The following FBXL7 variants were observed in gnomAD, a reference collection of about 807,000 sequenced individuals.
The protein encoded by FBXL7 is F-box/LRR-repeat protein 7.
Under a neutral mutation model 38.3 loss-of-function variants are expected in FBXL7, and 12 were observed. The observed-to-expected ratio is 0.31, with a 90% CI of 0.20 to 0.51. The LOEUF (loss-of-function observed/expected upper bound fraction) is 0.51. FBXL7 is among the 20% of genes least tolerant of loss of function. The probability of loss-of-function intolerance (pLI) is 0.98; values close to 1 mark genes in which losing one functional copy is unlikely to be tolerated. For missense variants in FBXL7, 567 were observed against 676.4 expected (o/e 0.84, Z 1.79); for synonymous variants, 297 against 300.9 (o/e 0.99, Z 0.13).
At chr5:15,677,695 G>C (rs934395590) in intron 2 of FBXL7, among the ~76,000 whole-genome samples, 7 of 152,090 alleles carry the variant, frequency 4.6e-5, no homozygotes, top group Non-Finnish European at 7.4e-5. Context: ...ATCAGAGTCA[G>C]AAACAAAGTT....
Position 15,720,237 on chromosome 5 carries a change from C to A in FBXL7, c.127+104165C>A, listed in dbSNP as rs77538219. The stretch of plus-strand genomic sequence containing the variant: ...TTGTAATGAGCCCACATTATGGATG[C>A]CCCTGGGACATTTTCCTTGCAGTCT... On this transcript the variant is annotated intron_variant, in intron 2 of 3. Transcript: ENST00000504595. 1.0e-4 allele frequency among the ~76,000 whole-genome samples: 15 copies of A among 149,036 alleles called. 1 individual carries two copies. Among genetic ancestry groups the A allele is most frequent in the African/African-American group, 3.7e-4 (15 of 40,932 alleles).
In FBXL7 at chr5:15,899,519, G is replaced by T. The variant is rs73752372; in HGVS notation, c.128-28371G>T. Among the ~76,000 whole-genome samples, 1,046 of 152,236 alleles carry T rather than the reference G, an allele frequency of 6.9e-3. 18 individuals carry two copies. Among genetic ancestry groups the T allele is most frequent in the African/African-American group, 0.024 (992 of 41,538 alleles). The stretch of plus-strand genomic sequence containing the variant: ...GGATTTGAAAAGCAAAGTTTTACAA[G>T]ATTTTTTTATAAGCTTTGGTCTGAA... On this transcript the variant is annotated intron_variant, in intron 2 of 3. Coordinates refer to ENST00000504595, the MANE Select transcript of FBXL7 (RefSeq NM_012304.5).
intron 1 of FBXL7, among the ~76,000 whole-genome samples, chr5:15,563,970 C>A (rs2126440979): frequency 6.6e-6 from 1 of 152,160 alleles, no homozygotes; most frequent in Non-Finnish European, 1.5e-5. Flanking sequence ...TTTTCAGTGT[C>A]CAGCCTCAGC....
intron 2 of FBXL7, among the ~76,000 whole-genome samples, chr5:15,680,638 T>C (rs1742815359): frequency 6.6e-6 from 1 of 152,166 alleles, no homozygotes; most frequent in Admixed American, 6.5e-5. Context: ...TAATTGGTGT[T>C]CCATAAATGG....
intron 2 of FBXL7, among the ~76,000 whole-genome samples, chr5:15,688,137 C>G (rs1579378880): frequency 6.6e-6 from 1 of 152,214 alleles, no homozygotes; most frequent in East Asian, 1.9e-4. Flanking sequence ...TTTTTTTACA[C>G]AAGGCATTAT....
At chr5:15,517,101 A>G (rs1395225601) in intron 1 of FBXL7, among the ~76,000 whole-genome samples, 1 of 151,362 alleles carries the variant, frequency 6.6e-6, no homozygotes, top group African/African-American at 2.4e-5. Context: ...ATCTCGGCTC[A>G]CTGCAAGCTC....
intron 1 of FBXL7, among the ~76,000 whole-genome samples, chr5:15,581,909 A>G (rs909768763): frequency 2.6e-5 from 4 of 152,086 alleles, no homozygotes; most frequent in Admixed American, 6.6e-5. Context: ...TGCTCTGACC[A>G]TACTCTTTGA....
intron 2 of FBXL7, among the ~76,000 whole-genome samples, chr5:15,692,690 G>T (rs1188520930): frequency 6.6e-6 from 1 of 152,182 alleles, no homozygotes; most frequent in Non-Finnish European, 1.5e-5. Flanking sequence ...TCGTGCAAAT[G>T]ATCTTGGGGT....
chr5:15,639,865 A>T (rs893689265), intron 2 of FBXL7, among the ~76,000 whole-genome samples: 1 of 152,084 alleles, frequency 6.6e-6, no homozygotes, highest in Non-Finnish European at 1.5e-5. Flanking sequence ...AACACAGACA[A>T]TGCTGGGTTG....
intron 1 of FBXL7, among the ~76,000 whole-genome samples, chr5:15,558,587 A>G (rs945741781): frequency 3.9e-5 from 6 of 152,248 alleles, no homozygotes; most frequent in Non-Finnish European, 5.9e-5. Context: ...CTCTACCTCT[A>G]GATTCAAAAA....
At chr5:15,580,996 G>C (rs1739121785) in intron 1 of FBXL7, among the ~76,000 whole-genome samples, 1 of 152,164 alleles carries the variant, frequency 6.6e-6, no homozygotes, top group Non-Finnish European at 1.5e-5. Flanking sequence ...TGGTTGATAG[G>C]TTCCAGTACC....
At chr5:15,889,385 A>T (rs542610777) in intron 2 of FBXL7, among the ~76,000 whole-genome samples, 6 of 152,320 alleles carry the variant, frequency 3.9e-5, no homozygotes, top group Admixed American at 3.9e-4. Context: ...TTCCTCATTG[A>T]AAGGCAGAAG....
intron 2 of FBXL7, among the ~76,000 whole-genome samples, chr5:15,822,622 C>CTTTTTTT (rs371800054): frequency 6.1e-5 from 8 of 131,806 alleles, no homozygotes; most frequent in Non-Finnish European, 7.9e-5. Flanking sequence ...GCTGGTTGCT[C>CTTTTTTT]TTTTTTTTTT....
At position 15,652,971 on chromosome 5, in the gene FBXL7, A is replaced by G. The variant is rs11958246; in HGVS notation, c.127+36899A>G. On this transcript the variant is annotated intron_variant, in intron 2 of 3. Coordinates refer to ENST00000504595, the MANE Select transcript of FBXL7 (RefSeq NM_012304.5). ...TTATTACACATTGTATGCCTGTTTC[A>G]AAGTATCTCATGTGCCCTATAAATG... is the stretch of plus-strand genomic sequence containing the variant. Among the ~76,000 whole-genome samples the G allele has an allele frequency of 8.6e-3, 1,311 of 152,332 alleles. 21 individuals are homozygous for G. Among genetic ancestry groups the G allele is most frequent in the African/African-American group, 0.03 (1,248 of 41,576 alleles).
chr5:15,774,856 T>G (rs1161882381), intron 2 of FBXL7, among the ~76,000 whole-genome samples: 2 of 152,202 alleles, frequency 1.3e-5, no homozygotes, highest in Admixed American at 1.3e-4. Context: ...ATACTAAGGT[T>G]GTTTCTCTTG....
rs534979809 is a variant in FBXL7, at chr5:15,812,630, A to G, written c.128-115260A>G. On this transcript the variant is annotated intron_variant, in intron 2 of 3. Transcript: ENST00000504595. ...GCTATCCGGGGTCTTTTTTGGTTCC[A>G]TATGAAATTTAAAGTAGTTTTTTCT... Among the ~76,000 whole-genome samples, 4 of 152,266 alleles carry G rather than the reference A, an allele frequency of 2.6e-5. No homozygotes were observed. In the East Asian group the frequency reaches 7.7e-4, roughly 29 times the overall value.
At chr5:15,819,266 A>AC in intron 2 of FBXL7, among the ~76,000 whole-genome samples, 4 of 152,146 alleles carry the variant, frequency 2.6e-5, no homozygotes, top group African/African-American at 9.7e-5. Context: ...GGGATCCTGT[A>AC]AGATAGGTGA....
chr5:15,855,037 T>A (rs1739215511), intron 2 of FBXL7, among the ~76,000 whole-genome samples: 1 of 152,182 alleles, frequency 6.6e-6, no homozygotes, highest in African/African-American at 2.4e-5. Context: ...AAATCCATTG[T>A]CTCTACTTCC....
At chr5:15,636,655 C>G (rs1396202128) in intron 2 of FBXL7, among the ~76,000 whole-genome samples, 1 of 147,136 alleles carries the variant, frequency 6.8e-6, no homozygotes, top group Non-Finnish European at 1.5e-5. Flanking sequence ...GTTTATTCCT[C>G]TATCATTTGT....
Sources: gnomAD v4.1 joint callset for allele counts (sites outside exome capture counted in the v4.1 genomes callset) on GRCh38, gnomAD v4.1.1 for gene constraint, MANE v1.5 for transcripts, NCBI Gene and HGNC (gene_info 2026-07-23, HGNC 2026-07-21) for gene names.